The following PCDHGA4 variants were observed in gnomAD, a reference collection of about 807,000 sequenced individuals.
The protein encoded by PCDHGA4 is protocadherin gamma-A4.
In PCDHGA4, 38 loss-of-function variants were observed where a neutral mutation model predicts 54.6. That is an observed-to-expected ratio of 0.70 (90% confidence interval 0.54 to 0.91). The LOEUF (loss-of-function observed/expected upper bound fraction) is 0.91. Ranked by LOEUF, PCDHGA4 falls within the 40% of genes least tolerant of loss-of-function variation. The pLI, the probability that PCDHGA4 is intolerant of heterozygous loss-of-function variation, is 0.00. For missense variants in PCDHGA4, 1,298 were observed against 1,220.9 expected (o/e 1.06, Z -0.94); for synonymous variants, 511 against 512.9 (o/e 1.00, Z 0.05).
intron 1 of PCDHGA4, chr5:141,433,049 C>A (rs1418118305): frequency 6.2e-7 from 1 of 1,614,110 alleles, no homozygotes; most frequent in Admixed American, 1.7e-5. Flanking sequence ...CACGGACTCG[C>A]GGAAGAGTCA....
Position 141,432,208 on chromosome 5 carries a change from G to A in PCDHGA4, c.2515-62599G>A, listed in dbSNP as rs150518735. The A allele has an allele frequency of 3.4e-5, 55 of 1,614,196 alleles. No individual in the cohort carries two copies. In the Middle Eastern group the frequency reaches 8.2e-4, roughly 24 times the overall value. Reference sequence around the variant, plus strand: ...CCGCCCACGACCCCGACTGTGAAGAGAACGCCCAGATCACTTATTCCCTGG... The same window carrying A: ...CCGCCCACGACCCCGACTGTGAAGAAAACGCCCAGATCACTTATTCCCTGG... On this transcript the variant is annotated intron_variant, in intron 1 of 3. Transcript: ENST00000571252. The surrounding 1 kb of genome is among the most constrained non-coding windows in gnomAD (Gnocchi z 6.0).
chr5:141,432,823 C>A lies in PCDHGA4; in HGVS notation c.2515-61984C>A. 1 of 1,614,184 alleles carries A rather than the reference C, an allele frequency of 6.2e-7. No homozygotes were observed. Among genetic ancestry groups the A allele is most frequent in the Non-Finnish European group, 8.5e-7 (1 of 1,180,004 alleles). On this transcript the variant is annotated intron_variant, in intron 1 of 3. Transcript: ENST00000571252. The surrounding 1 kb of genome is among the most constrained non-coding windows in gnomAD (Gnocchi z 6.0). ...CTCCAGCTAACTCTGAAACCTCAGA[C>A]CTCACTCTGTACCTGGTGGTAGCGG...
chr5:141,359,990 C>A, intron 1 of PCDHGA4: 3 of 999,454 alleles, frequency 3.0e-6, no homozygotes, highest in South Asian at 4.7e-5. Flanking sequence ...TAGAGGGGAA[C>A]TTCCTGCACA....
At chr5:141,375,723 C>G in intron 1 of PCDHGA4, 1 of 1,614,274 alleles carries the variant, frequency 6.2e-7, no homozygotes, top group Non-Finnish European at 8.5e-7. Context: ...AGCAACGTGT[C>G]ACTGAGCCTG....
intron 1 of PCDHGA4, among the ~76,000 whole-genome samples, chr5:141,386,507 C>G (rs972515111): frequency 2.0e-5 from 1 of 50,524 alleles, no homozygotes. Context: ...AAGACTCTGT[C>G]TCTTCAAAAA....
chr5:141,355,521 G>C lies in PCDHGA4; in HGVS notation c.414G>C (p.Glu138Asp), dbSNP rs1759885440. Residue 138 changes from glutamate to aspartate, a missense_variant, in exon 1 of 4, where the codon GAG (glutamate) becomes GAC (aspartate). Glu to Asp is a conservative substitution (Grantham distance 45, BLOSUM62 2). Coordinates refer to ENST00000571252, the MANE Select transcript of PCDHGA4 (RefSeq NM_018917.4). ...DRSPNCVTNL[E>D]ILLEDTVKIL... is the part of the protein sequence containing the mutation. ...CTCCAAACTGTGTGACAAACCTGGA[G>C]ATTCTTCTAGAAGATACAGTGAAGA... 2 of 1,613,948 alleles carry C rather than the reference G, an allele frequency of 1.2e-6. No homozygotes were observed. The highest frequency in any genetic ancestry group is 1.7e-5 in the Admixed American group (1 of 60,006).
At chr5:141,388,800 G>A (rs1193679536) in intron 1 of PCDHGA4, 6 of 1,613,896 alleles carry the variant, frequency 3.7e-6, no homozygotes, top group Non-Finnish European at 5.1e-6. Context: ...AAATACATTA[G>A]ATTTTGAAGA....
intron 1 of PCDHGA4, among the ~76,000 whole-genome samples, chr5:141,436,521 C>T (rs2097829891): frequency 6.6e-6 from 1 of 152,086 alleles, no homozygotes; most frequent in African/African-American, 2.4e-5. Flanking sequence ...AACTGTGTCA[C>T]CTTTAGCAAG....
rs1455759096 is a variant in PCDHGA4, at chr5:141,489,539, C to T, written c.2515-5268C>T. 6.2e-7 allele frequency: 1 copy of T among 1,613,980 alleles called. No individual in the cohort carries two copies. Among genetic ancestry groups the T allele is most frequent in the African/African-American group, 1.3e-5 (1 of 74,912 alleles). On this transcript the variant is annotated intron_variant, in intron 1 of 3. Coordinates refer to ENST00000571252, the MANE Select transcript of PCDHGA4 (RefSeq NM_018917.4). This position sits in a 1 kb window ranked among gnomAD's most constrained non-coding sequence, Gnocchi z 4.5. Reference sequence around the variant, plus strand: ...CGAGAAAGCCTATGTGGAGCCAGCACCAGCTGCCTGCTGCCAGTGCAGGTG... The same window carrying T: ...CGAGAAAGCCTATGTGGAGCCAGCATCAGCTGCCTGCTGCCAGTGCAGGTG...
Position 141,394,738 on chromosome 5 carries a change from T to G in PCDHGA4, c.2514+37117T>G. ...GACAGAGATGCGCTCAAGCAGAGCCTCGTGGTGGCCGTCCAGGACCATGGC... is the reference window on the plus strand; with the variant it reads ...GACAGAGATGCGCTCAAGCAGAGCCGCGTGGTGGCCGTCCAGGACCATGGC... On this transcript the variant is annotated intron_variant, in intron 1 of 3. Coordinates refer to ENST00000571252, the MANE Select transcript of PCDHGA4 (RefSeq NM_018917.4). 3 of 1,613,412 alleles carry G rather than the reference T, an allele frequency of 1.9e-6. No homozygotes were observed. The African/African-American group carries it at 4.0e-5, about 21-fold the overall frequency.
chr5:141,374,975 A>G (rs770625909), intron 1 of PCDHGA4: 2 of 1,613,964 alleles, frequency 1.2e-6, no homozygotes, highest in Non-Finnish European at 8.5e-7. Context: ...GAATGTTTTG[A>G]CTGGAGAAAT....
intron 1 of PCDHGA4, chr5:141,373,990 G>A: frequency 8.2e-7 from 1 of 1,221,932 alleles, no homozygotes; most frequent in East Asian, 2.8e-5. Flanking sequence ...TCTGCTTGTT[G>A]AAGGACCTTC....
intron 1 of PCDHGA4, chr5:141,370,568 G>T (rs968157637): frequency 1.9e-6 from 3 of 1,613,930 alleles, no homozygotes; most frequent in Admixed American, 1.7e-5. Flanking sequence ...GGTTTGGCGT[G>T]GGGGATTTAC....
chr5:141,386,941 C>A (rs1391826060), intron 1 of PCDHGA4, among the ~76,000 whole-genome samples: 1 of 152,212 alleles, frequency 6.6e-6, no homozygotes, highest in Non-Finnish European at 1.5e-5. Context: ...AGGTAGGAAG[C>A]AGTGCTTCAG....
At chr5:141,478,725 A>C (rs2099473537) in intron 1 of PCDHGA4, 1 of 1,542,096 alleles carries the variant, frequency 6.5e-7, no homozygotes. Flanking sequence ...GGCCTGCCAG[A>C]GTGTGGTTTG....
At chr5:141,418,127 A>T in intron 1 of PCDHGA4, 1 of 1,614,104 alleles carries the variant, frequency 6.2e-7, no homozygotes, top group Non-Finnish European at 8.5e-7. Context: ...GAAGGACCGA[A>T]TAGACCGTGA....
chr5:141,379,340 TC>T (rs1433489240), intron 1 of PCDHGA4: 1 of 152,232 alleles, frequency 6.6e-6, no homozygotes, highest in Non-Finnish European at 1.5e-5. Flanking sequence ...TCTTCAAAGC[TC>T]ATTTTCTTGT....
At chr5:141,414,174 A>C in intron 1 of PCDHGA4, 1 of 1,607,520 alleles carries the variant, frequency 6.2e-7, no homozygotes, top group Non-Finnish European at 8.5e-7. Context: ...CATATCTTGC[A>C]ACTGCAAAAG....
At position 141,511,355 on chromosome 5, in the gene PCDHGA4, G is replaced by A; in HGVS notation, c.*182G>A. On this transcript the variant is annotated 3_prime_UTR_variant, in exon 4 of 4. Coordinates refer to ENST00000571252, the MANE Select transcript of PCDHGA4 (RefSeq NM_018917.4). ...TCAGCACCTACCCCTTCCCCCCCAG[G>A]GGGTTGAATATGCAAAAGCAGTTCC... 4 of 1,379,256 alleles carry A rather than the reference G, an allele frequency of 2.9e-6. No individual in the cohort carries two copies. The highest frequency in any genetic ancestry group is 3.9e-6 in the Non-Finnish European group (4 of 1,035,886). 85.4% of individuals were successfully genotyped at this position (1,379,256 alleles called of 1,614,324 possible).
Sources: allele counts gnomAD v4.1 joint callset (sites outside exome capture counted in the v4.1 genomes callset), GRCh38; gene constraint gnomAD v4.1.1; non-coding constraint Gnocchi (gnomAD v3.1); transcripts MANE v1.5; gene names NCBI Gene and HGNC (gene_info 2026-07-23, HGNC 2026-07-21).